LMCD1: variants seen among roughly 807,000 people sequenced by gnomAD.
LMCD1 encodes the protein LIM and cysteine rich domains 1, also known as LIM and cysteine-rich domains protein 1.
A neutral mutation model predicts 42.7 loss-of-function variants in LMCD1; 32 were observed. That is an observed-to-expected ratio of 0.75 (90% confidence interval 0.57 to 1.01). The LOEUF is 1.01. LMCD1 is among the 50% of genes least tolerant of loss of function. The pLI, the probability that LMCD1 is intolerant of heterozygous loss-of-function variation, is 0.00. For synonymous variants in LMCD1, 178 were observed against 184.9 expected (o/e 0.96, Z 0.30); for missense variants, 458 against 483.1 (o/e 0.95, Z 0.49).
chr3:8,516,617 C>CCT (rs768400774), intron 1 of LMCD1, among the ~76,000 whole-genome samples: 1 of 152,100 alleles, frequency 6.6e-6, no homozygotes, highest in East Asian at 1.9e-4. Context: ...AATATCAGCA[C>CCT]CTCTCAGTGC....
chr3:8,547,727 C>A (rs1694764178), intron 3 of LMCD1, among the ~76,000 whole-genome samples: 1 of 116,100 alleles, frequency 8.6e-6, no homozygotes, highest in Non-Finnish European at 1.7e-5. Flanking sequence ...CCTGTCTGTA[C>A]TAAAAATACA....
At chr3:8,532,667 T>C (rs971433775) in intron 1 of LMCD1, 70 bp from the exon 2 acceptor site, 15 of 1,364,258 alleles carry the variant, frequency 1.1e-5, no homozygotes, top group Middle Eastern at 1.8e-4. Flanking sequence ...CGCCAAGTCT[T>C]TTAGAGGTCA....
intron 1 of LMCD1, among the ~76,000 whole-genome samples, chr3:8,521,741 C>G (rs1451103545): frequency 1.3e-5 from 2 of 152,048 alleles, no homozygotes; most frequent in Non-Finnish European, 2.9e-5. Context: ...GCAGAGCACT[C>G]ATGGTGTCTT....
chr3:8,502,370 A>T (rs1228590911), intron 1 of LMCD1, among the ~76,000 whole-genome samples: 2 of 66,000 alleles, frequency 3.0e-5, no homozygotes, highest in African/African-American at 6.0e-5. Context: ...TATTATATAA[A>T]ATATATATAA....
intron 4 of LMCD1, among the ~76,000 whole-genome samples, chr3:8,560,906 T>C (rs777064127): frequency 1.7e-4 from 26 of 152,164 alleles, no homozygotes; most frequent in African/African-American, 1.4e-4. Context: ...GTTCAAGATA[T>C]ATCTAGTTGA....
chr3:8,543,432 TAGATAGATAGACAGAC>T (rs1559353129), intron 3 of LMCD1, among the ~76,000 whole-genome samples: 48 of 131,286 alleles, frequency 3.7e-4, no homozygotes, highest in African/African-American at 8.2e-4. Flanking sequence ...GATAGATAGA[TAGATAGATAGACAGAC>T]AGACAGAGAG....
chr3:8,525,455 T>C (rs867762645), intron 1 of LMCD1, among the ~76,000 whole-genome samples: 4 of 152,152 alleles, frequency 2.6e-5, no homozygotes, highest in Non-Finnish European at 4.4e-5. Flanking sequence ...ATTTTCTTTT[T>C]CCATTTATTT....
At chr3:8,554,347 G>A (rs1276769945) in intron 4 of LMCD1, among the ~76,000 whole-genome samples, 1 of 152,116 alleles carries the variant, frequency 6.6e-6, no homozygotes, top group East Asian at 1.9e-4. Context: ...GTCTGAAGCC[G>A]TGTTGGGGTG....
At chr3:8,515,066 T>C (rs1035229368) in intron 1 of LMCD1, 11 of 456,194 alleles carry the variant, frequency 2.4e-5, no homozygotes, top group African/African-American at 1.4e-4. Context: ...GAAAGTGATA[T>C]GTATCCAGGC....
At chr3:8,554,498 A>G (rs2125035560) in intron 4 of LMCD1, among the ~76,000 whole-genome samples, 1 of 152,272 alleles carries the variant, frequency 6.6e-6, no homozygotes, top group East Asian at 1.9e-4. Flanking sequence ...CGTACTGAGA[A>G]CAATGAAAGG....
intron 2 of LMCD1, 100 bp downstream of exon 2, chr3:8,532,925 A>G: frequency 1.0e-6 from 1 of 955,876 alleles, no homozygotes. Context: ...CTTTGGTTGT[A>G]TGCGTTGTCA....
intron 1 of LMCD1, among the ~76,000 whole-genome samples, chr3:8,520,680 G>A (rs1694188063): frequency 6.6e-6 from 1 of 152,182 alleles, no homozygotes; most frequent in South Asian, 2.1e-4. Context: ...GAAAGAAAAA[G>A]ACAACTCCAA....
chr3:8,526,604 G>A (rs1363243802), intron 1 of LMCD1, among the ~76,000 whole-genome samples: 1 of 152,174 alleles, frequency 6.6e-6, no homozygotes, highest in Non-Finnish European at 1.5e-5. Context: ...CTTGAACAGC[G>A]ATGTCTGGGC....
chr3:8,558,226 T>C (rs1574974128), intron 4 of LMCD1, among the ~76,000 whole-genome samples: 1 of 152,326 alleles, frequency 6.6e-6, no homozygotes, highest in East Asian at 1.9e-4. Context: ...TCCAAGAAAT[T>C]TGCCAACATG....
rs142326196 is a variant in LMCD1, at chr3:8,545,578, G to C, written c.388-2990G>C. 4.8e-3 allele frequency among the ~76,000 whole-genome samples: 735 copies of C among 152,250 alleles called. 9 individuals carry two copies. The highest frequency in any genetic ancestry group is 0.017 in the African/African-American group (703 of 41,528). On this transcript the variant is annotated intron_variant, in intron 3 of 5. Coordinates refer to ENST00000157600, the MANE Select transcript of LMCD1 (RefSeq NM_014583.4). ...TTTTTTTGTTTGCCAGTATTTTATT[G>C]AAACAGTAGTGCAAGTAAAGTCCAG...
At chr3:8,522,411 G>T in intron 1 of LMCD1, among the ~76,000 whole-genome samples, 1 of 152,170 alleles carries the variant, frequency 6.6e-6, no homozygotes, top group East Asian at 1.9e-4. Flanking sequence ...AGGAGGAATT[G>T]GCCGGCCTTT....
In LMCD1 at chr3:8,515,142, G is replaced by A. The variant is rs145473176; in HGVS notation, c.42+13162G>A. 89 of 387,618 alleles carry A rather than the reference G, an allele frequency of 2.3e-4. 1 individual carries two copies. The highest frequency in any genetic ancestry group is 1.7e-3 in the Middle Eastern group (4 of 2,286). The allele number at this position is 387,618 out of a possible 1,614,324, so 24.0% of individuals were successfully genotyped here. ...TGCTGCAGCCCCCTGGAGGTGTCAC[G>A]TTAGGGGAGAACTTTGTCTCCAGGA... On this transcript the variant is annotated intron_variant, in intron 1 of 5. Coordinates refer to ENST00000157600, the MANE Select transcript of LMCD1 (RefSeq NM_014583.4).
chr3:8,553,520 C>T (rs1266542893), intron 4 of LMCD1, among the ~76,000 whole-genome samples: 3 of 152,192 alleles, frequency 2.0e-5, no homozygotes, highest in Non-Finnish European at 4.4e-5. Context: ...CCTGCATGGC[C>T]GGGGCTGTCA....
intron 1 of LMCD1, 73 bp downstream of exon 1, chr3:8,502,053 A>G: frequency 7.0e-7 from 1 of 1,429,732 alleles, no homozygotes; most frequent in Non-Finnish European, 9.7e-7. Context: ...GTTCGCGGAA[A>G]CTTCCCAAAA....
Sources: allele counts gnomAD v4.1 joint callset (sites outside exome capture counted in the v4.1 genomes callset), GRCh38; gene constraint gnomAD v4.1.1; transcripts MANE v1.5; gene names NCBI Gene and HGNC (gene_info 2026-07-23, HGNC 2026-07-21).